GRIA3: variants seen among roughly 807,000 people sequenced by gnomAD.
GRIA3 encodes the protein glutamate receptor 3.
GRIA3 carries 3 observed loss-of-function variants against 63.0 expected under a neutral mutation model. That is an observed-to-expected ratio of 0.05 (90% CI 0.02 to 0.12). The LOEUF (loss-of-function observed/expected upper bound fraction) is 0.12, where lower values mean the gene tolerates loss of function less well. Ranked by LOEUF, GRIA3 falls within the 10% of genes least tolerant of loss-of-function variation. The probability of loss-of-function intolerance (pLI) is 1.00; values close to 1 mark genes in which losing one functional copy is unlikely to be tolerated. For synonymous variants in GRIA3, 274 were observed against 257.9 expected (o/e 1.06, Z -0.60); for missense variants, 347 against 700.9 (o/e 0.50, Z 5.70).
chrX:123,371,857 C>T (rs2045249462), intron 5 of GRIA3, among the ~76,000 whole-genome samples: 1 of 111,057 alleles, frequency 9.0e-6, no homozygotes, highest in African/African-American at 3.3e-5. Flanking sequence ...GTTTCCTTTG[C>T]TGTGCAGAAG....
At chrX:123,242,549 G>A (rs2044335799) in intron 2 of GRIA3, among the ~76,000 whole-genome samples, 1 of 112,367 alleles carries the variant, frequency 8.9e-6, no homozygotes, top group Non-Finnish European at 1.9e-5. Flanking sequence ...TACTTTAGAT[G>A]ATTGATGGAG....
chrX:123,208,357 T>C (rs191104706), intron 2 of GRIA3, among the ~76,000 whole-genome samples: 6 of 112,582 alleles, frequency 5.3e-5, no homozygotes, highest in Admixed American at 4.7e-4. Flanking sequence ...TTCAGTTAGA[T>C]CTTTTGTAAA....
At chrX:123,249,077 T>C (rs1002374180) in intron 2 of GRIA3, among the ~76,000 whole-genome samples, 9 of 111,647 alleles carry the variant, frequency 8.1e-5, no homozygotes, top group Non-Finnish European at 3.8e-5. Flanking sequence ...AAGATAGCTC[T>C]GGAGTAGGGA....
At chrX:123,350,164 C>A (rs770478359) in intron 4 of GRIA3, among the ~76,000 whole-genome samples, 1 of 111,474 alleles carries the variant, frequency 9.0e-6, no homozygotes, top group East Asian at 2.8e-4. Context: ...AACCAGCAAT[C>A]CCCCACACCC....
At position 123,264,266 on chromosome X, in the gene GRIA3, G is replaced by C. The variant is rs746964738; in HGVS notation, c.508+10724G>C. Among the ~76,000 whole-genome samples, 56 of 112,165 alleles carry C rather than the reference G, an allele frequency of 5.0e-4. 1 individual carries two copies. Among genetic ancestry groups the C allele is most frequent in the African/African-American group, 1.7e-3 (54 of 30,930 alleles). ...GGAGCATTCTGTCTGGTTTCATATA[G>C]AGTCTCTAACCACTGTCAAAGATAA... On this transcript the variant is annotated intron_variant, in intron 3 of 15. Transcript: ENST00000620443.
chrX:123,383,758 G>A (rs1304827905), intron 5 of GRIA3, among the ~76,000 whole-genome samples: 1 of 109,926 alleles, frequency 9.1e-6, no homozygotes, highest in East Asian at 2.8e-4. Flanking sequence ...TTGTTATATA[G>A]GTAAACTTGT....
At chrX:123,297,719 A>AT (rs773357253) in intron 3 of GRIA3, among the ~76,000 whole-genome samples, 1 of 110,642 alleles carries the variant, frequency 9.0e-6, no homozygotes, top group Non-Finnish European at 1.9e-5. Context: ...CTTGGAAAAT[A>AT]TTTTTTTTAA....
chrX:123,379,593 G>A, intron 5 of GRIA3, among the ~76,000 whole-genome samples: 1 of 96,187 alleles, frequency 1.0e-5, no homozygotes, highest in East Asian at 3.2e-4. Flanking sequence ...AACTATGGTT[G>A]TACATGACAA....
intron 4 of GRIA3, among the ~76,000 whole-genome samples, chrX:123,343,697 G>A (rs752627957): frequency 1.8e-5 from 2 of 109,463 alleles, no homozygotes; most frequent in East Asian, 2.9e-4. Flanking sequence ...CTGGAGTGGC[G>A]CAATCATGGC....
intron 3 of GRIA3, among the ~76,000 whole-genome samples, chrX:123,325,022 C>T (rs1265134633): frequency 8.9e-6 from 1 of 111,872 alleles, no homozygotes; most frequent in Admixed American, 9.5e-5. Context: ...TCCCATTAGT[C>T]ATTACTTGAA....
chrX:123,290,515 G>A (rs1248148209), intron 3 of GRIA3, among the ~76,000 whole-genome samples: 1 of 109,718 alleles, frequency 9.1e-6, no homozygotes, highest in Non-Finnish European at 1.9e-5. Context: ...CACCCAACAT[G>A]TGCAATTCAC....
At chrX:123,207,918 G>A (rs939500483) in intron 2 of GRIA3, among the ~76,000 whole-genome samples, 2 of 111,901 alleles carry the variant, frequency 1.8e-5, no homozygotes, top group African/African-American at 6.5e-5. Flanking sequence ...AACAGGTCAG[G>A]TCACCTGGCT....
intron 12 of GRIA3, among the ~76,000 whole-genome samples, chrX:123,433,743 G>A (rs1280760237): frequency 8.9e-6 from 1 of 111,984 alleles, no homozygotes; most frequent in Non-Finnish European, 1.9e-5. Flanking sequence ...AGTGCCCTAG[G>A]CAAGGCAGAA....
At chrX:123,440,672 C>T in intron 12 of GRIA3, among the ~76,000 whole-genome samples, 1 of 112,535 alleles carries the variant, frequency 8.9e-6, no homozygotes, top group East Asian at 2.8e-4. Flanking sequence ...TGTTTAACTG[C>T]CTTATAGATG....
intron 3 of GRIA3, among the ~76,000 whole-genome samples, chrX:123,257,213 A>G (rs1437314044): frequency 1.8e-5 from 2 of 111,741 alleles, no homozygotes; most frequent in Non-Finnish European, 3.8e-5. Context: ...CCAGTGTGAT[A>G]ATAAACAACT....
intron 5 of GRIA3, among the ~76,000 whole-genome samples, chrX:123,366,656 A>T (rs903372629): frequency 8.9e-6 from 1 of 112,196 alleles, no homozygotes; most frequent in Non-Finnish European, 1.9e-5. Context: ...TATTCCAAGT[A>T]AACTAAATAA....
chrX:123,372,389 GT>G (rs1220261105), intron 5 of GRIA3, among the ~76,000 whole-genome samples: 1 of 111,505 alleles, frequency 9.0e-6, no homozygotes, highest in African/African-American at 3.3e-5. Flanking sequence ...TTTTAGGATT[GT>G]TTTTTCTATT....
chrX:123,323,095 T>C (rs1374734321), intron 3 of GRIA3, among the ~76,000 whole-genome samples: 1 of 112,112 alleles, frequency 8.9e-6, no homozygotes. Flanking sequence ...ATTGTTTTTG[T>C]ACTTACAGAA....
chrX:123,375,810 T>A (rs890788141), intron 5 of GRIA3, among the ~76,000 whole-genome samples: 2 of 111,957 alleles, frequency 1.8e-5, no homozygotes, highest in African/African-American at 6.5e-5. Flanking sequence ...CTCTTCTTTA[T>A]ACCAATAACC....
Sources: allele counts gnomAD v4.1 joint callset (sites outside exome capture counted in the v4.1 genomes callset), GRCh38; gene constraint gnomAD v4.1.1; transcripts MANE v1.5; gene names NCBI Gene and HGNC (gene_info 2026-07-23, HGNC 2026-07-21).